ACSL5: variants seen among roughly 807,000 people sequenced by gnomAD.
ACSL5 encodes acyl-CoA synthetase long chain family member 5, also known as long-chain-fatty-acid--CoA ligase 5.
ACSL5 carries 50 observed loss-of-function variants against 84.9 expected under a neutral mutation model. The ratio of observed to expected loss-of-function variants is 0.59; its 90% confidence interval spans 0.47 to 0.75. ACSL5 has a LOEUF of 0.75. Ranked by LOEUF, ACSL5 falls within the 30% of genes least tolerant of loss-of-function variation. The pLI, the probability that ACSL5 is intolerant of heterozygous loss-of-function variation, is 0.00. For missense variants in ACSL5, 775 were observed against 830.4 expected, an observed-to-expected ratio of 0.93 and a Z score of 0.82; for synonymous variants, 280 against 300.7, an observed-to-expected ratio of 0.93 and a Z score of 0.71.
chr10:112,385,753 C>T (rs562037191), intron 1 of ACSL5, among the ~76,000 whole-genome samples: 3 of 152,242 alleles, frequency 2.0e-5, no homozygotes, highest in South Asian at 2.1e-4. Flanking sequence ...TTTTCCTCAA[C>T]GTGTCTTTGT....
intron 16 of ACSL5, 52 bp from the exon 17 acceptor site, chr10:112,422,273 C>CT: frequency 6.6e-7 from 1 of 1,504,962 alleles, no homozygotes; most frequent in South Asian, 1.1e-5. Context: ...ACTGCCCACG[C>CT]TGGGAGGAGC....
intron 3 of ACSL5, among the ~76,000 whole-genome samples, chr10:112,403,958 G>A (rs911401707): frequency 6.6e-6 from 1 of 152,146 alleles, no homozygotes; most frequent in Non-Finnish European, 1.5e-5. Flanking sequence ...ATTGGGAGAG[G>A]AAGCAAGGTA....
chr10:112,391,318 C>T (rs534916379), intron 1 of ACSL5, among the ~76,000 whole-genome samples: 4 of 150,874 alleles, frequency 2.7e-5, no homozygotes, highest in African/African-American at 9.7e-5. Context: ...TGCAATCAGC[C>T]GAGATCATAC....
In ACSL5 at chr10:112,382,010, C is replaced by T. The variant is rs79789791; in HGVS notation, c.-30+7741C>T. ...AGGTGCTGCCAAAGCTGAGGTGCAT[C>T]CCATAGAGCACTGGTCTCAAAAGCA... On this transcript the variant is annotated intron_variant, in intron 1 of 20. Transcript: ENST00000354655. 6.6e-5 allele frequency among the ~76,000 whole-genome samples: 10 copies of T among 152,268 alleles called. No individual in the cohort carries two copies. In the East Asian group the frequency reaches 1.8e-3, roughly 27 times the overall value.
In ACSL5 at chr10:112,427,334, C is replaced by T. The variant is rs1220268527; in HGVS notation, c.2028C>T (p.Ser676=). 8 of 1,613,214 alleles carry T rather than the reference C, an allele frequency of 5.0e-6. No homozygotes were observed. In the African/African-American group the frequency reaches 1.1e-4, roughly 22 times the overall value. Residue 676 remains serine, a synonymous_variant, in exon 21 of 21, where the codon AGC becomes AGT. Coordinates refer to ENST00000354655, the MANE Select transcript of ACSL5 (RefSeq NM_203379.2). ...LSKYFRTQID[S]LYEHIQD ...AATACTTTCGGACCCAAATTGACAG[C>T]CTGTATGAGCACATCCAGGATTAGG...
At chr10:112,376,172 C>T in intron 1 of ACSL5, 1 of 1,244,744 alleles carries the variant, frequency 8.0e-7, no homozygotes. Context: ...CAGAACACTT[C>T]CACTTTCAGT....
At chr10:112,425,195 C>A in intron 17 of ACSL5, 143 bp from the exon 18 acceptor site, 1 of 691,526 alleles carries the variant, frequency 1.4e-6, no homozygotes, top group Non-Finnish European at 2.3e-6. Context: ...TCACCAAAGC[C>A]AAGAAAGAGA....
At chr10:112,413,616 T>C (rs982785819) in intron 12 of ACSL5, among the ~76,000 whole-genome samples, 3 of 152,044 alleles carry the variant, frequency 2.0e-5, no homozygotes, top group Middle Eastern at 3.4e-3. Flanking sequence ...TCTCAGCTAC[T>C]TGGGAGACTG....
chr10:112,382,395 G>C (rs1849367417), intron 1 of ACSL5, among the ~76,000 whole-genome samples: 1 of 152,208 alleles, frequency 6.6e-6, no homozygotes, highest in Non-Finnish European at 1.5e-5. Context: ...AAGGTGGCTT[G>C]GTAACAGCAG....
intron 6 of ACSL5, 188 bp from the exon 7 acceptor site, chr10:112,409,319 T>C: frequency 1.7e-6 from 1 of 573,344 alleles, no homozygotes; most frequent in South Asian, 2.3e-5. Context: ...CATGTGCTTC[T>C]GTTTCAGTTA....
rs72821858 is a variant in ACSL5 at position 112,388,367 on chromosome 10, C to T, written c.-29-6551C>T. Among the ~76,000 whole-genome samples, 884 of 152,270 alleles carry T rather than the reference C, an allele frequency of 5.8e-3. 11 individuals carry two copies. The highest frequency in any genetic ancestry group is 0.058 in the Middle Eastern group (17 of 294). On this transcript the variant is annotated intron_variant, in intron 1 of 20. Coordinates refer to ENST00000354655, the MANE Select transcript of ACSL5 (RefSeq NM_203379.2). ...GTCCTTAATGTGTGTCAGAAATACA[C>T]CCCTGTCACCAGCCACCATCCCTAT...
At chr10:112,427,093 A>G (rs1433282437) in intron 20 of ACSL5, 125 bp from the exon 21 acceptor site, 1 of 1,008,504 alleles carries the variant, frequency 9.9e-7, no homozygotes, top group Non-Finnish European at 1.5e-6. Context: ...GGGAATGGGC[A>G]TGTGTTACTG....
chr10:112,401,797 TTTC>T (rs1470300956), intron 3 of ACSL5, among the ~76,000 whole-genome samples: 2 of 67,298 alleles, frequency 3.0e-5, no homozygotes, highest in African/African-American at 1.0e-4. Flanking sequence ...TCTTTCTTTC[TTTC>T]TTTCTTTCTT....
At chr10:112,423,199 A>AT (rs1844530268) in intron 17 of ACSL5, among the ~76,000 whole-genome samples, 1 of 48,682 alleles carries the variant, frequency 2.1e-5, no homozygotes, top group African/African-American at 6.4e-5. Context: ...AAAAAAAAAA[A>AT]AAAAAAAAAA....
rs528711601 is a variant in ACSL5, at chr10:112,399,080, C to T, written c.265+71C>T. ...CTGTGGCCCATCTCTCTTTCTCTGT[C>T]TCACTTCTAAAACCCCAGCTATTTA... On this transcript the variant is annotated intron_variant, in intron 3 of 20. Transcript: ENST00000354655. 16 of 1,325,336 alleles carry T rather than the reference C, an allele frequency of 1.2e-5. 1 individual carries two copies. In the South Asian group the frequency reaches 1.7e-4, roughly 14 times the overall value. The allele number at this position is 1,325,336 out of a possible 1,614,324, so 82.1% of individuals were successfully genotyped here.
chr10:112,403,497 G>T (rs1006300007), intron 3 of ACSL5, among the ~76,000 whole-genome samples: 9 of 152,194 alleles, frequency 5.9e-5, no homozygotes, highest in Admixed American at 2.6e-4. Flanking sequence ...TGTTGGGCAG[G>T]CTGGTCTTGA....
rs1554865359 is a variant in ACSL5 at position 112,421,574 on chromosome 10, C to T, written c.1315-19C>T. 1 of 1,612,048 alleles carries T rather than the reference C, an allele frequency of 6.2e-7. No homozygotes were observed. Among genetic ancestry groups the T allele is most frequent in the Admixed American group, 1.7e-5 (1 of 60,022 alleles). On this transcript the variant is annotated intron_variant, in intron 14 of 20. Transcript: ENST00000354655. ...ACTTTATCTTGAGTAAGTCTAAAAG[C>T]TCTTCTTTGGTTTCCCAGGTGTATG...
At chr10:112,384,771 C>G (rs1255439464) in intron 1 of ACSL5, among the ~76,000 whole-genome samples, 1 of 152,220 alleles carries the variant, frequency 6.6e-6, no homozygotes, top group East Asian at 1.9e-4. Flanking sequence ...TCCACCTCAG[C>G]CTTCCAAAGT....
At chr10:112,408,638 G>A (rs1279798488) in intron 6 of ACSL5, 117 bp downstream of exon 6, 24 of 734,664 alleles carry the variant, frequency 3.3e-5, no homozygotes, top group South Asian at 8.4e-5. Context: ...TGCTGTGGTC[G>A]GAAAATGTTC....
Sources: gnomAD v4.1 joint callset for allele counts (sites outside exome capture counted in the v4.1 genomes callset) on GRCh38, gnomAD v4.1.1 for gene constraint, MANE v1.5 for transcripts, NCBI Gene and HGNC (gene_info 2026-07-23, HGNC 2026-07-21) for gene names.